The following PET100 variants were observed in gnomAD, a reference collection of about 807,000 sequenced individuals.
PET100 encodes protein PET100 homolog, mitochondrial.
A neutral mutation model predicts 13.6 loss-of-function variants in PET100; 13 were observed. That is an observed-to-expected ratio of 0.96 (90% confidence interval 0.62 to 1.52). The LOEUF is 1.52. Among genes scored for constraint, PET100 ranks in the 40% most tolerant of loss-of-function variants. PET100 has a pLI of 0.00. For missense variants in PET100, 94 were observed against 95.3 expected (o/e 0.99, Z 0.06); for synonymous variants, 28 against 30.8 (o/e 0.91, Z 0.30).
At chr19:7,631,402 G>GC (rs2031289489) in intron 3 of PET100, 71 bp from the exon 4 acceptor site, 1 of 1,110,782 alleles carries the variant, frequency 9.0e-7, no homozygotes, top group African/African-American at 1.6e-5. Flanking sequence ...AGGTGGGCGG[G>GC]GGGGGGTGGT....
intron 3 of PET100, 61 bp from the exon 4 acceptor site, chr19:7,631,412 T>A (rs1206014191): frequency 1.1e-5 from 9 of 795,852 alleles, no homozygotes; most frequent in Non-Finnish European, 1.5e-5. Context: ...GGGGGGGTGG[T>A]CCCGGCTCTG....
intron 3 of PET100, 34 bp from the exon 4 acceptor site, chr19:7,631,439 C>G: frequency 1.3e-6 from 2 of 1,520,242 alleles, no homozygotes; most frequent in Non-Finnish European, 1.8e-6. Context: ...GTGCCCCTCC[C>G]CCCTTCCTGT....
intron 3 of PET100, 108 bp from the exon 4 acceptor site, chr19:7,631,364 GC>G: frequency 7.2e-7 from 1 of 1,380,724 alleles, no homozygotes; most frequent in Non-Finnish European, 9.5e-7. Context: ...GAACCCTGAA[GC>G]CGTGGTCTGG....
At chr19:7,631,074 G>A in intron 3 of PET100, 1 of 730,836 alleles carries the variant, frequency 1.4e-6, no homozygotes, top group East Asian at 2.8e-5. Flanking sequence ...CAGGCATGGT[G>A]GCAGGCGCCT....
In PET100 at chr19:7,630,776, C is replaced by T. The variant is rs761602720; in HGVS notation, c.115-47C>T. ...AAGCCGACCCTGCCCTGATGTGGGG[C>T]TCTGGAGGCCTTTGGCTCGTGTCCC... On this transcript the variant is annotated intron_variant, in intron 2 of 3. Coordinates refer to ENST00000594797, the MANE Select transcript of PET100 (RefSeq NM_001171155.2). The T allele has an allele frequency of 4.6e-6, 7 of 1,537,146 alleles. No individual in the cohort carries two copies. In the South Asian group the frequency reaches 7.1e-5, roughly 16 times the overall value.
At chr19:7,631,399 C>CGGGGGGGGGGTTGGGGGGGG in intron 3 of PET100, 74 bp from the exon 4 acceptor site, 1 of 583,180 alleles carries the variant, frequency 1.7e-6, no homozygotes, top group Non-Finnish European at 2.4e-6. Flanking sequence ...GAGAGGTGGG[C>CGGGGGGGGGGTTGGGGGGGG]GGGGGGGGGT....
At chr19:7,630,274 A>T (rs2031246819) in intron 1 of PET100, 1 of 467,472 alleles carries the variant, frequency 2.1e-6, no homozygotes, top group South Asian at 2.8e-5. Flanking sequence ...TTAAGTGGGG[A>T]TGGGTAATGA....
chr19:7,631,399 CG>C lies in PET100; in HGVS notation c.139-65del, dbSNP rs1203991530. The C allele has an allele frequency of 6.6e-3, 3,751 of 570,324 alleles. 8 individuals are homozygous for C. The highest frequency in any genetic ancestry group is 0.02 in the African/African-American group (521 of 26,280). 35.3% of individuals were successfully genotyped at this position (570,324 alleles called of 1,614,324 possible). A position where few individuals can be genotyped will look rare whatever the true frequency, so the allele number is the denominator to read the frequency against. On this transcript the variant is annotated intron_variant, in intron 3 of 3. Coordinates refer to ENST00000594797, the MANE Select transcript of PET100 (RefSeq NM_001171155.2). ...GGGGCAGGGTGGTGGGAGAGGTGGG[CG>C]GGGGGGGGTGGTCCCGGCTCTGAGG... is the stretch of plus-strand genomic sequence containing the variant.
chr19:7,630,760 C>G, intron 2 of PET100, 63 bp from the exon 3 acceptor site: 1 of 1,536,632 alleles, frequency 6.5e-7, no homozygotes, highest in East Asian at 2.4e-5. Flanking sequence ...TAAGCCGACC[C>G]TGCCCTGATG....
chr19:7,629,904 T>G (rs978254641), intron 1 of PET100, 44 bp downstream of exon 1: 1 of 1,490,876 alleles, frequency 6.7e-7, no homozygotes, highest in African/African-American at 1.4e-5. Context: ...GCAGGGGATC[T>G]TCCTGGATCT....
In PET100 at chr19:7,630,837, A is replaced by G. The variant is rs752807884; in HGVS notation, c.129A>G (p.Pro43=). ...DVIQRKRELW[P]PEKLQEIEEF... ...TTTCCTTACAGAGGGAGCTGTGGCCACCTGAGAAGGTAAGTGATCTCTTCT... is the reference window on the plus strand; with the variant it reads ...TTTCCTTACAGAGGGAGCTGTGGCCGCCTGAGAAGGTAAGTGATCTCTTCT... Residue 43 remains proline (P), a synonymous_variant, in exon 3 of 4, where the codon CCA becomes CCG. Transcript: ENST00000594797. 1 of 1,537,208 alleles carries G rather than the reference A, an allele frequency of 6.5e-7. No homozygotes were observed. Among genetic ancestry groups the G allele is most frequent in the Non-Finnish European group, 8.7e-7 (1 of 1,146,902 alleles).
At chr19:7,630,096 C>G (rs1001255865) in intron 1 of PET100, 2 of 502,400 alleles carry the variant, frequency 4.0e-6, no homozygotes, top group Admixed American at 7.8e-5. Flanking sequence ...GAGGAAGGAC[C>G]TCAGAGAGGG....
rs2031325288 is a variant in PET100 at position 7,631,877 on chromosome 19, G to A, written c.*321G>A. ...GTGCCGGCCACAGGTGGCGAACAAT[G>A]GAGAGAGGGTGCAGGTAGCCACCGT... On this transcript the variant is annotated 3_prime_UTR_variant, in exon 4 of 4. Transcript: ENST00000594797. The A allele has an allele frequency of 7.4e-7, 1 of 1,353,816 alleles. No homozygotes were observed. The highest frequency in any genetic ancestry group is 9.6e-7 in the Non-Finnish European group (1 of 1,042,902). The allele number at this position is 1,353,816 out of a possible 1,614,324, so 83.9% of individuals were successfully genotyped here.
chr19:7,631,296 G>A, intron 3 of PET100, 177 bp from the exon 4 acceptor site: 2 of 1,413,580 alleles, frequency 1.4e-6, no homozygotes, highest in East Asian at 2.6e-5. Context: ...CTGGAAGAGT[G>A]AAGCGGATCC....
At chr19:7,631,446 C>T (rs1254633188) in intron 3 of PET100, 27 bp from the exon 4 acceptor site, 8 of 1,526,402 alleles carry the variant, frequency 5.2e-6, no homozygotes, top group South Asian at 1.2e-5. Flanking sequence ...TCCCCCCTTC[C>T]TGTCCCACCC....
At position 7,630,093 on chromosome 19, in the gene PET100, G is replaced by T. The variant is rs1382026934; in HGVS notation, c.27+233G>T. The T allele has an allele frequency of 2.5e-5, 13 of 512,398 alleles. No homozygotes were observed. The East Asian group carries it at 4.3e-4, about 17-fold the overall frequency. The allele number at this position is 512,398 out of a possible 1,614,324, so 31.7% of individuals were successfully genotyped here. ...CTGTGAGAGGGCTGGTCCGAGGAAG[G>T]ACCTCAGAGAGGGGTGAGCTGAGAA... On this transcript the variant is annotated intron_variant, in intron 1 of 3. Coordinates refer to ENST00000594797, the MANE Select transcript of PET100 (RefSeq NM_001171155.2).
Position 7,631,689 on chromosome 19 carries a change from T to C in PET100, c.*133T>C. The stretch of plus-strand genomic sequence containing the variant: ...GTGAGACCCAGGATGCCTCAGGCCC[T>C]CAGGGGGCTTGTGTCGGGGGCTGGG... On this transcript the variant is annotated 3_prime_UTR_variant, in exon 4 of 4. Coordinates refer to ENST00000594797, the MANE Select transcript of PET100 (RefSeq NM_001171155.2). 1 of 1,453,704 alleles carries C rather than the reference T, an allele frequency of 6.9e-7. No homozygotes were observed. Among genetic ancestry groups the C allele is most frequent in the Non-Finnish European group, 9.1e-7 (1 of 1,102,166 alleles). The allele number at this position is 1,453,704 out of a possible 1,614,324, so 90.1% of individuals were successfully genotyped here.
intron 2 of PET100, 52 bp from the exon 3 acceptor site, chr19:7,630,771 T>C: frequency 6.5e-7 from 1 of 1,536,974 alleles, no homozygotes; most frequent in African/African-American, 1.4e-5. Flanking sequence ...TGCCCTGATG[T>C]GGGGCTCTGG....
In PET100 at chr19:7,631,517, G is replaced by A; in HGVS notation, c.183G>A (p.Arg61=). ...TCAAAGAGAGGTTACGGAAGCGGCG[G>A]GAGGAGAAGCTCCTTCGCGACGCCC... ...EEFKERLRKR[R]EEKLLRDAQQ... is the part of the protein sequence containing the mutation. Residue 61 remains arginine (R), a synonymous_variant, in exon 4 of 4, where the codon CGG becomes CGA. Transcript: ENST00000594797. The A allele has an allele frequency of 2.0e-6, 3 of 1,536,218 alleles. No homozygotes were observed. Among genetic ancestry groups the A allele is most frequent in the Non-Finnish European group, 2.6e-6 (3 of 1,146,700 alleles).
Sources: allele counts gnomAD v4.1 joint callset, GRCh38; gene constraint gnomAD v4.1.1; transcripts MANE v1.5; gene names NCBI Gene and HGNC (gene_info 2026-07-23, HGNC 2026-07-21).